The following CSMD1 variants were observed in gnomAD, a reference collection of about 807,000 sequenced individuals.
CSMD1 encodes the protein CUB and sushi domain-containing protein 1.
CSMD1 carries 213 observed loss-of-function variants against 417.5 expected under a neutral mutation model. The observed-to-expected ratio is 0.51, with a 90% CI of 0.46 to 0.57. CSMD1 has a LOEUF of 0.57. Ranked by LOEUF, CSMD1 falls within the 20% of genes least tolerant of loss-of-function variation. The pLI is 0.00. For synonymous variants in CSMD1, 2,862 were observed against 1,736.8 expected (o/e 1.65, Z -16.11); for missense variants, 6,923 against 4,529.7 (o/e 1.53, Z -15.17).
chr8:3,955,583 T>C (rs2740855), intron 5 of CSMD1, among the ~76,000 whole-genome samples: 114,434 of 151,842 alleles, frequency 0.75, 43,507 homozygotes, highest in East Asian at 0.95. Context: ...AGGAGATTGG[T>C]GCTACCTGCC....
intron 2 of CSMD1, among the ~76,000 whole-genome samples, chr8:4,610,148 C>G (rs1475397823): frequency 6.6e-6 from 1 of 152,014 alleles, no homozygotes; most frequent in African/African-American, 2.4e-5. Flanking sequence ...AGGTTATGAA[C>G]ACCTTTTCTT....
chr8:3,978,938 C>A (rs1270505406), intron 5 of CSMD1, among the ~76,000 whole-genome samples: 1 of 152,186 alleles, frequency 6.6e-6, no homozygotes, highest in East Asian at 1.9e-4. Context: ...ATTTCATTGC[C>A]AGCCACAGGT....
At chr8:4,310,713 C>G (rs945608921) in intron 3 of CSMD1, among the ~76,000 whole-genome samples, 11 of 152,126 alleles carry the variant, frequency 7.2e-5, no homozygotes, top group Non-Finnish European at 1.3e-4. Context: ...GCAAGACACG[C>G]AAGCATTGTA....
intron 26 of CSMD1, among the ~76,000 whole-genome samples, chr8:3,283,848 TTC>T (rs1325846437): frequency 6.6e-6 from 1 of 152,236 alleles, no homozygotes; most frequent in Non-Finnish European, 1.5e-5. Flanking sequence ...ACACACAATT[TTC>T]TCTCTTTCTT....
intron 3 of CSMD1, among the ~76,000 whole-genome samples, chr8:4,338,352 G>A (rs1011542464): frequency 2.6e-5 from 4 of 152,062 alleles, no homozygotes; most frequent in South Asian, 4.1e-4. Flanking sequence ...GCTCTCTTAA[G>A]GAAACATACA....
At chr8:4,719,460 T>C (rs75123830) in intron 1 of CSMD1, among the ~76,000 whole-genome samples, 2,434 of 152,214 alleles carry the variant, frequency 0.016, 62 homozygotes, top group African/African-American at 0.055. Context: ...GCTTCCTTTC[T>C]TCCAGAAATG....
chr8:4,962,113 TG>T (rs1299582923), intron 1 of CSMD1, among the ~76,000 whole-genome samples: 34 of 68,540 alleles, frequency 5.0e-4, no homozygotes, highest in African/African-American at 3.2e-3. Flanking sequence ...ATTTTTTTGT[TG>T]TTTTTTTTTT....
chr8:4,611,247 T>C (rs1801151723), intron 2 of CSMD1, among the ~76,000 whole-genome samples: 2 of 152,208 alleles, frequency 1.3e-5, no homozygotes, highest in Non-Finnish European at 1.5e-5. Context: ...TATTCGTCAA[T>C]TTACTCTTCA....
At chr8:4,541,243 T>G (rs187742653) in intron 2 of CSMD1, among the ~76,000 whole-genome samples, 1 of 152,174 alleles carries the variant, frequency 6.6e-6, no homozygotes, top group Non-Finnish European at 1.5e-5. Context: ...CTGTGTGACT[T>G]AGAGTGAGCC....
At chr8:3,201,455 T>C (rs1304867054) in intron 32 of CSMD1, among the ~76,000 whole-genome samples, 157 bp downstream of exon 32, 1 of 152,164 alleles carries the variant, frequency 6.6e-6, no homozygotes, top group East Asian at 1.9e-4. Context: ...ACTTTTGAGA[T>C]CTTATATCTA....
rs571113460 is a variant in CSMD1, at chr8:3,223,759, G to A, written c.4454C>T (p.Pro1485Leu). 2.7e-5 allele frequency: 43 copies of A among 1,613,890 alleles called. No homozygotes were observed. The Middle Eastern group carries it at 9.9e-4, about 37-fold the overall frequency. ...KECDWRVKVN[P>L]DFVIALIFKS... ...GAATATCAAGGCGATGACAAAGTCC[G>A]GGTTCACTTTTACTCTCCAGTCACA... The change falls in exon 28 of 70, where the codon CCG (proline) becomes CTG (leucine). Residue 1485 changes from proline to leucine, a missense_variant. Physicochemically the swap from Pro to Leu is moderately conservative, Grantham distance 98. Coordinates refer to ENST00000635120, the MANE Select transcript of CSMD1 (RefSeq NM_033225.6).
chr8:4,105,193 G>C (rs966162364), intron 3 of CSMD1, among the ~76,000 whole-genome samples: 7 of 152,078 alleles, frequency 4.6e-5, no homozygotes, highest in East Asian at 1.9e-4. Flanking sequence ...TACATCCTAA[G>C]ATTATTCCAA....
chr8:4,279,447 C>T (rs1217881938), intron 3 of CSMD1, among the ~76,000 whole-genome samples: 1 of 152,130 alleles, frequency 6.6e-6, no homozygotes, highest in Non-Finnish European at 1.5e-5. Flanking sequence ...GATAAGATTC[C>T]AAGTCCCAGT....
chr8:4,467,718 T>C (rs1800267675), intron 2 of CSMD1, among the ~76,000 whole-genome samples: 1 of 152,154 alleles, frequency 6.6e-6, no homozygotes, highest in Admixed American at 6.6e-5. Context: ...TTTAAAAAAA[T>C]CTCAAGCCCA....
chr8:4,770,421 A>T (rs1796540810), intron 1 of CSMD1, among the ~76,000 whole-genome samples: 1 of 150,160 alleles, frequency 6.7e-6, no homozygotes, highest in South Asian at 2.1e-4. Flanking sequence ...CCTAATTCTT[A>T]TCAAAATCCC....
intron 26 of CSMD1, among the ~76,000 whole-genome samples, chr8:3,276,623 A>C (rs1433873636): frequency 6.6e-6 from 1 of 152,162 alleles, no homozygotes; most frequent in African/African-American, 2.4e-5. Flanking sequence ...ATTCAAGATA[A>C]GTTTTGGGTG....
intron 17 of CSMD1, among the ~76,000 whole-genome samples, chr8:3,390,218 G>C (rs1811264916): frequency 6.6e-6 from 1 of 151,814 alleles, no homozygotes; most frequent in African/African-American, 2.4e-5. Flanking sequence ...AGCCAGGTGT[G>C]GTGGTGGGCA....
At chr8:3,860,334 G>A (rs1260493138) in intron 5 of CSMD1, among the ~76,000 whole-genome samples, 1 of 152,000 alleles carries the variant, frequency 6.6e-6, no homozygotes, top group Non-Finnish European at 1.5e-5. Flanking sequence ...AACACAGCCA[G>A]CAAGTATAGG....
chr8:3,039,450 TTCC>T (rs1025360371), intron 50 of CSMD1, among the ~76,000 whole-genome samples: 11 of 146,712 alleles, frequency 7.5e-5, no homozygotes, highest in East Asian at 6.4e-4. Context: ...CTTTCTTCCT[TTCC>T]TCCTTCCTTC....
Sources: allele counts gnomAD v4.1 joint callset (sites outside exome capture counted in the v4.1 genomes callset), GRCh38; gene constraint gnomAD v4.1.1; transcripts MANE v1.5; gene names NCBI Gene and HGNC (gene_info 2026-07-23, HGNC 2026-07-21).